The following MND1 variants were observed in gnomAD, a reference collection of about 807,000 sequenced individuals.
The protein encoded by MND1 is meiotic nuclear divisions 1.
In MND1, 28 loss-of-function variants were observed where a neutral mutation model predicts 35.1. The observed-to-expected ratio is 0.80, with a 90% CI of 0.59 to 1.09. The LOEUF (loss-of-function observed/expected upper bound fraction) is 1.09. MND1 is among the 50% of genes least tolerant of loss of function. MND1 has a pLI of 0.00. For missense variants in MND1, 213 were observed against 239.6 expected, an observed-to-expected ratio of 0.89 and a Z score of 0.73; for synonymous variants, 69 against 70.5, an observed-to-expected ratio of 0.98 and a Z score of 0.11.
At chr4:153,380,930 C>T (rs975613999) in intron 4 of MND1, among the ~76,000 whole-genome samples, 6 of 150,926 alleles carry the variant, frequency 4.0e-5, no homozygotes, top group South Asian at 2.1e-4. Context: ...GGCAGACTGT[C>T]GCTCTGTTGC....
chr4:153,379,316 AG>A, intron 4 of MND1, among the ~76,000 whole-genome samples: 1 of 147,152 alleles, frequency 6.8e-6, no homozygotes, highest in African/African-American at 2.6e-5. Flanking sequence ...AAGAAGAAGA[AG>A]AAGAAAAGAA....
At chr4:153,354,095 A>T (rs983587822) in intron 2 of MND1, among the ~76,000 whole-genome samples, 4 of 151,960 alleles carry the variant, frequency 2.6e-5, no homozygotes, top group Non-Finnish European at 5.9e-5. Context: ...AGTTCTTTTC[A>T]CCACTTCAAC....
intron 1 of MND1, among the ~76,000 whole-genome samples, chr4:153,349,479 C>A (rs1773158979): frequency 6.6e-6 from 1 of 152,212 alleles, no homozygotes; most frequent in Admixed American, 6.5e-5. Context: ...TGACCCCACA[C>A]CTTTCTCATC....
At chr4:153,350,543 A>G (rs1158705575) in intron 2 of MND1, among the ~76,000 whole-genome samples, 2 of 152,188 alleles carry the variant, frequency 1.3e-5, no homozygotes, top group Non-Finnish European at 1.5e-5. Context: ...ACCAAATACT[A>G]TGTCTTTGCA....
chr4:153,362,953 C>T, intron 4 of MND1: 1 of 965,956 alleles, frequency 1.0e-6, no homozygotes, highest in Non-Finnish European at 1.2e-6. Flanking sequence ...CATGTCTATA[C>T]ATGGCATGGA....
intron 4 of MND1, among the ~76,000 whole-genome samples, chr4:153,383,702 G>A (rs1472032024): frequency 6.6e-6 from 1 of 152,194 alleles, no homozygotes; most frequent in Admixed American, 6.5e-5. Context: ...CCTTATTACA[G>A]AGGTAGCATG....
chr4:153,350,370 T>G (rs1308016914), intron 2 of MND1, among the ~76,000 whole-genome samples: 1 of 152,214 alleles, frequency 6.6e-6, no homozygotes, highest in East Asian at 1.9e-4. Flanking sequence ...AATCTTCTGA[T>G]GCATATATTT....
At chr4:153,392,534 C>T (rs185458197) in intron 4 of MND1, among the ~76,000 whole-genome samples, 4 of 152,254 alleles carry the variant, frequency 2.6e-5, no homozygotes, top group Non-Finnish European at 5.9e-5. Flanking sequence ...CTTACCTAAT[C>T]ACATGAATCT....
chr4:153,390,337 C>G (rs1449737579), intron 4 of MND1, among the ~76,000 whole-genome samples: 1 of 152,134 alleles, frequency 6.6e-6, no homozygotes, highest in Non-Finnish European at 1.5e-5. Context: ...TTAGCAGAAG[C>G]TTTTCCTTTA....
intron 4 of MND1, among the ~76,000 whole-genome samples, chr4:153,392,611 T>G (rs1345204386): frequency 1.3e-5 from 2 of 152,190 alleles, no homozygotes; most frequent in African/African-American, 2.4e-5. Context: ...CTGTGATTAT[T>G]TGTTCCCTTG....
rs772767219 is a variant in MND1, at chr4:153,397,289, T to C, written c.422T>C (p.Val141Ala). 4.3e-6 allele frequency: 7 copies of C among 1,613,002 alleles called. No homozygotes were observed. The South Asian group carries it at 6.6e-5, about 15-fold the overall frequency. ...CAAAGGGAACAGCTAAAGGCAGAAG[T>C]AGAAAAATACAAAGACTGTGATCCG... is the stretch of plus-strand genomic sequence containing the variant. ...RDQREQLKAE[V>A]EKYKDCDPQV... Residue 141 changes from valine to alanine, a missense_variant, in exon 6 of 8, where the codon GTA becomes GCA. By Grantham distance (64) the Val-to-Ala change is moderately conservative (BLOSUM62 0). Coordinates refer to ENST00000240488, the MANE Select transcript of MND1 (RefSeq NM_032117.4).
At chr4:153,367,002 C>CAAA (rs1773651974) in intron 4 of MND1, among the ~76,000 whole-genome samples, 1 of 152,100 alleles carries the variant, frequency 6.6e-6, no homozygotes. Context: ...CCTGTCTTTC[C>CAAA]ATTCTCCCCT....
chr4:153,350,182 T>C, intron 2 of MND1, 53 bp downstream of exon 2: 2 of 1,303,460 alleles, frequency 1.5e-6, no homozygotes, highest in Non-Finnish European at 2.2e-6. Context: ...ATCTTAAGTA[T>C]ATGTCATCCA....
intron 6 of MND1, among the ~76,000 whole-genome samples, chr4:153,407,893 C>G (rs1283247539): frequency 6.6e-6 from 1 of 152,052 alleles, no homozygotes; most frequent in Non-Finnish European, 1.5e-5. Flanking sequence ...GGAGTGAGTG[C>G]TAAGGGGCAC....
rs116176561 is a variant in MND1 at position 153,409,279 on chromosome 4, A to G, written c.511+264A>G. 0.015 allele frequency: 2,541 copies of G among 167,776 alleles called. 72 individuals are homozygous for G. Among genetic ancestry groups the G allele is most frequent in the African/African-American group, 0.055 (2,293 of 41,796 alleles). 10.4% of individuals were successfully genotyped at this position (167,776 alleles called of 1,614,324 possible). A position where few individuals can be genotyped will look rare whatever the true frequency, so the allele number is the denominator to read the frequency against. ...TAACTTTTGTGCAACTTTTCCCAAG[A>G]TAAGTCACCTGGGCTAATCACTTAA... On this transcript the variant is annotated intron_variant, in intron 7 of 7. Coordinates refer to ENST00000240488, the MANE Select transcript of MND1 (RefSeq NM_032117.4).
intron 3 of MND1, among the ~76,000 whole-genome samples, chr4:153,357,401 C>G (rs1773373799): frequency 6.6e-6 from 1 of 152,206 alleles, no homozygotes; most frequent in Non-Finnish European, 1.5e-5. Flanking sequence ...ATCCCCCACA[C>G]AATTGGAAAT....
intron 6 of MND1, among the ~76,000 whole-genome samples, chr4:153,397,899 A>C (rs1729243057): frequency 6.6e-6 from 1 of 151,490 alleles, no homozygotes; most frequent in African/African-American, 2.4e-5. Context: ...ATTAAGGAAG[A>C]AGTGTGGGAT....
At chr4:153,385,058 G>T (rs1728816068) in intron 4 of MND1, among the ~76,000 whole-genome samples, 1 of 152,258 alleles carries the variant, frequency 6.6e-6, no homozygotes, top group Non-Finnish European at 1.5e-5. Context: ...ACCTTAAGTT[G>T]TTCATTACCC....
chr4:153,387,826 G>A (rs2149649604), intron 4 of MND1, among the ~76,000 whole-genome samples: 1 of 150,992 alleles, frequency 6.6e-6, no homozygotes, highest in East Asian at 1.9e-4. Context: ...AAAGCAGAAT[G>A]GAAATATAAC....
Sources: allele counts gnomAD v4.1 joint callset (sites outside exome capture counted in the v4.1 genomes callset), GRCh38; gene constraint gnomAD v4.1.1; transcripts MANE v1.5; gene names NCBI Gene and HGNC (gene_info 2026-07-23, HGNC 2026-07-21).